NRXN3: variants seen among roughly 807,000 people sequenced by gnomAD.
NRXN3 encodes the protein neurexin III.
NRXN3 carries 32 observed loss-of-function variants against 137.6 expected under a neutral mutation model. That is an observed-to-expected ratio of 0.23 (90% confidence interval 0.18 to 0.31). The LOEUF is 0.31. NRXN3 is among the 10% of genes least tolerant of loss of function. The pLI is 1.00. For synonymous variants in NRXN3, 798 were observed against 784.5 expected (o/e 1.02, Z -0.29); for missense variants, 1,574 against 2,062.5 (o/e 0.76, Z 4.59).
At chr14:78,828,392 A>G (rs2098972807) in intron 10 of NRXN3, among the ~76,000 whole-genome samples, 1 of 152,222 alleles carries the variant, frequency 6.6e-6, no homozygotes, top group Admixed American at 6.5e-5. Context: ...GGTCCACTCT[A>G]AAGTGTCCAT....
chr14:79,383,089 T>C (rs942567424), intron 15 of NRXN3, among the ~76,000 whole-genome samples: 6 of 152,234 alleles, frequency 3.9e-5, no homozygotes, highest in Admixed American at 3.9e-4. Context: ...ATTTTGGCAC[T>C]GGTCTCTTGT....
chr14:78,734,248 CA>C (rs1567176473), intron 8 of NRXN3, among the ~76,000 whole-genome samples: 622 of 146,590 alleles, frequency 4.2e-3, no homozygotes, highest in East Asian at 0.016. Flanking sequence ...CACACACACA[CA>C]CACACCCTTT....
At chr14:78,303,756 C>T (rs902380102) in intron 4 of NRXN3, among the ~76,000 whole-genome samples, 13 of 152,128 alleles carry the variant, frequency 8.5e-5, no homozygotes, top group Admixed American at 7.9e-4. Context: ...ATGCTTCTCC[C>T]TCTTATCCTT....
At chr14:79,696,875 C>T (rs2098737463) in intron 18 of NRXN3, among the ~76,000 whole-genome samples, 1 of 151,832 alleles carries the variant, frequency 6.6e-6, no homozygotes, top group Non-Finnish European at 1.5e-5. Context: ...ACAACTTCCC[C>T]AGGACTGGAG....
At chr14:79,406,534 C>T (rs568948903) in intron 15 of NRXN3, among the ~76,000 whole-genome samples, 1 of 152,086 alleles carries the variant, frequency 6.6e-6, no homozygotes, top group African/African-American at 2.4e-5. Context: ...ATCTCCTAGG[C>T]TCAAGCAATT....
intron 15 of NRXN3, among the ~76,000 whole-genome samples, chr14:79,462,378 A>T (rs1173068110): frequency 2.0e-5 from 3 of 151,392 alleles, no homozygotes; most frequent in Non-Finnish European, 2.9e-5. Flanking sequence ...CATCTCAAAA[A>T]AAATAAATAA....
At chr14:79,605,782 G>C (rs759239934) in intron 16 of NRXN3, among the ~76,000 whole-genome samples, 15 of 152,092 alleles carry the variant, frequency 9.9e-5, no homozygotes, top group Non-Finnish European at 1.9e-4. Flanking sequence ...GAACCACTGC[G>C]CCTGGCCGAT....
chr14:79,376,975 A>C (rs2094320628), intron 15 of NRXN3, among the ~76,000 whole-genome samples: 1 of 152,164 alleles, frequency 6.6e-6, no homozygotes. Flanking sequence ...TGAGCTATCA[A>C]ATTTTCTTTT....
chr14:78,357,454 A>G (rs1352507930), intron 4 of NRXN3, among the ~76,000 whole-genome samples: 1 of 152,192 alleles, frequency 6.6e-6, no homozygotes. Flanking sequence ...ACAGAGCCAT[A>G]TCATATCAAG....
At chr14:78,238,768 C>A (rs527487003) in intron 1 of NRXN3, among the ~76,000 whole-genome samples, 1 of 152,280 alleles carries the variant, frequency 6.6e-6, no homozygotes, top group South Asian at 2.1e-4. Flanking sequence ...TTTGATCCCC[C>A]ACAATGCAGG....
chr14:78,322,969 C>T (rs567535329), intron 4 of NRXN3, among the ~76,000 whole-genome samples: 1 of 152,124 alleles, frequency 6.6e-6, no homozygotes, highest in East Asian at 1.9e-4. Flanking sequence ...TCTCCCCAAC[C>T]AGTCTGAAAT....
chr14:79,252,601 A>G lies in NRXN3; in HGVS notation c.3263-214620A>G, dbSNP rs546499844. Reference sequence around the variant, plus strand: ...GTGGTGGTGGGAGGTGGGTAGGGATAGTACTTTAGAAACTGTTTCAGATCT... The same window carrying G: ...GTGGTGGTGGGAGGTGGGTAGGGATGGTACTTTAGAAACTGTTTCAGATCT... On this transcript the variant is annotated intron_variant, in intron 15 of 20. Coordinates refer to ENST00000335750, the MANE Select transcript of NRXN3 (RefSeq NM_001330195.2). Among the ~76,000 whole-genome samples, 168 of 152,240 alleles carry G rather than the reference A, an allele frequency of 1.1e-3. 1 individual carries two copies. The highest frequency in any genetic ancestry group is 3.9e-3 in the African/African-American group (164 of 41,552).
chr14:79,417,499 C>T (rs966023824), intron 15 of NRXN3, among the ~76,000 whole-genome samples: 1 of 152,040 alleles, frequency 6.6e-6, no homozygotes, highest in Non-Finnish European at 1.5e-5. Context: ...CTGTAGCTGC[C>T]TCCTGAACTG....
At chr14:79,781,144 T>C (rs2099112617) in intron 19 of NRXN3, among the ~76,000 whole-genome samples, 2 of 152,300 alleles carry the variant, frequency 1.3e-5, no homozygotes, top group African/African-American at 2.4e-5. Context: ...TAGCTTTGTC[T>C]TGTGAGATGC....
At chr14:79,243,089 A>G (rs2074565261) in intron 15 of NRXN3, among the ~76,000 whole-genome samples, 1 of 152,210 alleles carries the variant, frequency 6.6e-6, no homozygotes, top group Non-Finnish European at 1.5e-5. Context: ...CAGATGAACA[A>G]AATGAGATAA....
chr14:78,455,310 G>C (rs972803606), intron 4 of NRXN3, among the ~76,000 whole-genome samples: 1 of 152,142 alleles, frequency 6.6e-6, no homozygotes, highest in African/African-American at 2.4e-5. Flanking sequence ...TTTCAGTCCA[G>C]TTTTACCTGG....
At chr14:79,856,072 G>A (rs1269791601) in intron 20 of NRXN3, among the ~76,000 whole-genome samples, 2 of 152,114 alleles carry the variant, frequency 1.3e-5, no homozygotes, top group Non-Finnish European at 2.9e-5. Context: ...AATATAATCT[G>A]TAGCCTTTCC....
chr14:78,617,904 C>T (rs949943617), intron 4 of NRXN3, among the ~76,000 whole-genome samples: 14 of 145,962 alleles, frequency 9.6e-5, no homozygotes, highest in African/African-American at 3.5e-4. Context: ...CGGTTTTTGC[C>T]ATTGAAAGTA....
intron 19 of NRXN3, among the ~76,000 whole-genome samples, chr14:79,720,052 A>G (rs1489468029): frequency 6.6e-6 from 1 of 152,022 alleles, no homozygotes; most frequent in Non-Finnish European, 1.5e-5. Context: ...CTGTTCTCAC[A>G]CTGCTAATAA....
Sources: allele counts gnomAD v4.1 joint callset (sites outside exome capture counted in the v4.1 genomes callset), GRCh38; gene constraint gnomAD v4.1.1; transcripts MANE v1.5; gene names NCBI Gene and HGNC (gene_info 2026-07-23, HGNC 2026-07-21).